Variants in HCN1 observed in about 807,000 individuals in gnomAD.
HCN1 encodes the protein potassium/sodium hyperpolarization-activated cyclic nucleotide-gated channel 1.
A neutral mutation model predicts 78.9 loss-of-function variants in HCN1; 13 were observed. That is an observed-to-expected ratio of 0.16 (90% CI 0.11 to 0.26). The LOEUF (loss-of-function observed/expected upper bound fraction) is 0.26, where lower values mean the gene tolerates loss of function less well. Among genes scored for constraint, HCN1 ranks in the 10% least tolerant of loss-of-function variants. HCN1 has a pLI of 1.00. For missense variants in HCN1, 810 were observed against 1,154.3 expected (o/e 0.70, Z 4.32); for synonymous variants, 552 against 455.5 (o/e 1.21, Z -2.70).
At chr5:45,366,320 T>G (rs1747236428) in intron 4 of HCN1, among the ~76,000 whole-genome samples, 1 of 151,816 alleles carries the variant, frequency 6.6e-6, no homozygotes, top group Non-Finnish European at 1.5e-5. Context: ...AATAAACAGT[T>G]AAGTGATTTT....
chr5:45,582,919 T>C (rs1343738681), intron 2 of HCN1, among the ~76,000 whole-genome samples: 1 of 152,194 alleles, frequency 6.6e-6, no homozygotes, highest in Non-Finnish European at 1.5e-5. Flanking sequence ...GGATTCAGTT[T>C]GCCAGTATTT....
chr5:45,571,276 CT>C (rs1222525961), intron 2 of HCN1, among the ~76,000 whole-genome samples: 1 of 152,128 alleles, frequency 6.6e-6, no homozygotes, highest in Non-Finnish European at 1.5e-5. Flanking sequence ...CCCATTCCCC[CT>C]GACAATTATT....
chr5:45,328,172 T>C (rs1746273403), intron 5 of HCN1, among the ~76,000 whole-genome samples: 1 of 151,652 alleles, frequency 6.6e-6, no homozygotes, highest in Non-Finnish European at 1.5e-5. Flanking sequence ...CACACACAAA[T>C]TGAATGCCTT....
intron 5 of HCN1, among the ~76,000 whole-genome samples, chr5:45,316,944 G>A (rs1746006044): frequency 6.6e-6 from 1 of 152,156 alleles, no homozygotes; most frequent in Non-Finnish European, 1.5e-5. Context: ...AACATTCCAT[G>A]CTCATGGATA....
chr5:45,506,803 C>A (rs1004500697), intron 2 of HCN1, among the ~76,000 whole-genome samples: 7 of 151,998 alleles, frequency 4.6e-5, no homozygotes, highest in African/African-American at 1.7e-4. Context: ...TGATATTAAT[C>A]TTGATTATTG....
chr5:45,640,060 T>C (rs1580012309), intron 2 of HCN1, among the ~76,000 whole-genome samples: 2 of 152,300 alleles, frequency 1.3e-5, no homozygotes, highest in South Asian at 2.1e-4. Context: ...TTCAGTTCAG[T>C]ATGTTTCAAG....
At chr5:45,609,984 G>A (rs936978497) in intron 2 of HCN1, among the ~76,000 whole-genome samples, 1 of 152,120 alleles carries the variant, frequency 6.6e-6, no homozygotes, top group Non-Finnish European at 1.5e-5. Flanking sequence ...ATAAATTGAG[G>A]TCAGATCAAG....
chr5:45,519,303 C>G (rs1357807823), intron 2 of HCN1, among the ~76,000 whole-genome samples: 4 of 151,964 alleles, frequency 2.6e-5, no homozygotes, highest in Admixed American at 6.6e-5. Context: ...CTGAGAGAAG[C>G]TTGTGGATCC....
chr5:45,650,823 G>A (rs1745664655), intron 1 of HCN1, among the ~76,000 whole-genome samples: 1 of 151,708 alleles, frequency 6.6e-6, no homozygotes, highest in Admixed American at 6.6e-5. Context: ...AAGGCTTGTG[G>A]TAAGGAGAAC....
intron 6 of HCN1, among the ~76,000 whole-genome samples, chr5:45,302,204 G>A (rs563573177): frequency 2.0e-5 from 3 of 152,044 alleles, no homozygotes; most frequent in Admixed American, 6.6e-5. Flanking sequence ...GCGGTGGGAC[G>A]TGGATCATGG....
At chr5:45,680,141 C>G (rs922247349) in intron 1 of HCN1, among the ~76,000 whole-genome samples, 5 of 152,082 alleles carry the variant, frequency 3.3e-5, no homozygotes, top group African/African-American at 1.2e-4. Context: ...AATGTAAAAG[C>G]AGTGCCACAT....
At chr5:45,589,414 A>C (rs1455155343) in intron 2 of HCN1, among the ~76,000 whole-genome samples, 1 of 152,204 alleles carries the variant, frequency 6.6e-6, no homozygotes, top group Non-Finnish European at 1.5e-5. Flanking sequence ...GAGTTGTATG[A>C]GATGGCTGAA....
At chr5:45,399,219 T>G (rs1739746709) in intron 3 of HCN1, among the ~76,000 whole-genome samples, 1 of 152,204 alleles carries the variant, frequency 6.6e-6, no homozygotes, top group Non-Finnish European at 1.5e-5. Context: ...AGTCCTGGTT[T>G]GGCCACATCA....
intron 1 of HCN1, 22 bp from the exon 2 acceptor site, chr5:45,645,630 G>T: frequency 6.5e-7 from 1 of 1,529,194 alleles, no homozygotes; most frequent in South Asian, 1.1e-5. Flanking sequence ...AAAAAAATCA[G>T]ATTTTAAGAT....
At chr5:45,553,787 G>GT (rs1476143753) in intron 2 of HCN1, among the ~76,000 whole-genome samples, 1 of 151,682 alleles carries the variant, frequency 6.6e-6, no homozygotes, top group Non-Finnish European at 1.5e-5. Context: ...ATTTTTACTT[G>GT]TTTTTTAATC....
At chr5:45,293,654 G>C (rs979384744) in intron 6 of HCN1, among the ~76,000 whole-genome samples, 6 of 151,786 alleles carry the variant, frequency 4.0e-5, no homozygotes, top group African/African-American at 1.5e-4. Context: ...AAGACATTTT[G>C]ACTTCAAAAT....
intron 6 of HCN1, among the ~76,000 whole-genome samples, chr5:45,299,868 T>C (rs929803136): frequency 6.6e-6 from 1 of 151,930 alleles, no homozygotes; most frequent in Non-Finnish European, 1.5e-5. Context: ...ATGACTCCAA[T>C]AACAACAACA....
At chr5:45,537,372 T>C (rs975589862) in intron 2 of HCN1, among the ~76,000 whole-genome samples, 1 of 150,142 alleles carries the variant, frequency 6.7e-6, no homozygotes, top group Admixed American at 6.7e-5. Context: ...TGGAAAATCC[T>C]GGTACACAGC....
chr5:45,616,070 C>A, intron 2 of HCN1, among the ~76,000 whole-genome samples: 1 of 145,860 alleles, frequency 6.9e-6, no homozygotes. Context: ...CAATGTTTTT[C>A]TTGAAAAAAA....
Sources: gnomAD v4.1 joint callset for allele counts (sites outside exome capture counted in the v4.1 genomes callset) on GRCh38, gnomAD v4.1.1 for gene constraint, MANE v1.5 for transcripts, NCBI Gene and HGNC (gene_info 2026-07-23, HGNC 2026-07-21) for gene names.